The following EPC2 variants were observed in gnomAD, a reference collection of about 807,000 sequenced individuals.
EPC2 encodes enhancer of polycomb 2, also known as enhancer of polycomb homolog 2.
A neutral mutation model predicts 92.1 loss-of-function variants in EPC2; 14 were observed. The observed-to-expected ratio is 0.15, with a 90% CI of 0.10 to 0.24. The LOEUF is 0.24. EPC2 is among the 10% of genes least tolerant of loss of function. EPC2 has a pLI of 1.00. For missense variants in EPC2, 755 were observed against 971.5 expected (o/e 0.78, Z 2.96); for synonymous variants, 340 against 334.7 (o/e 1.02, Z -0.17).
At chr2:148,757,957 T>C (rs1459142350) in intron 4 of EPC2, among the ~76,000 whole-genome samples, 2 of 152,198 alleles carry the variant, frequency 1.3e-5, no homozygotes, top group African/African-American at 4.8e-5. Flanking sequence ...AGGGCTGGAA[T>C]ACAAAGATAA....
Position 148,645,134 on chromosome 2 carries a change from C to T in EPC2, c.117C>T (p.Pro39=), listed in dbSNP as rs762741809. Residue 39 remains proline, a synonymous_variant, in exon 1 of 14, where the codon CCC becomes CCT. Coordinates refer to ENST00000258484, the MANE Select transcript of EPC2 (RefSeq NM_015630.4). ...NDCVSINRAV[P]QMPTGMEKEE... is the part of the protein sequence containing the mutation. ...GCGTCTCCATCAACCGGGCCGTGCC[C>T]CAGATGCCCACCGGGATGGAGAAGG... 7 of 1,610,126 alleles carry T rather than the reference C, an allele frequency of 4.3e-6. No homozygotes were observed. Among genetic ancestry groups the T allele is most frequent in the South Asian group, 1.1e-5 (1 of 90,134 alleles).
At chr2:148,710,371 A>G (rs901341461) in intron 2 of EPC2, among the ~76,000 whole-genome samples, 1 of 152,228 alleles carries the variant, frequency 6.6e-6, no homozygotes, top group Admixed American at 6.5e-5. Context: ...GAGGATGTGG[A>G]GAAATAGGAA....
intron 2 of EPC2, among the ~76,000 whole-genome samples, chr2:148,722,582 T>C (rs977347041): frequency 6.6e-6 from 1 of 152,192 alleles, no homozygotes; most frequent in African/African-American, 2.4e-5. Context: ...GGTAGGAATG[T>C]AAATTAGTTC....
At position 148,645,930 on chromosome 2, in the gene EPC2, A is replaced by G. The variant is rs1220610329; in HGVS notation, c.153+760A>G. ...GTTGTCCTCGAGAATTGTCATTGCG[A>G]GGTGGTCCTTAGAAGTTGAGGACCT... On this transcript the variant is annotated intron_variant, in intron 1 of 13. Coordinates refer to ENST00000258484, the MANE Select transcript of EPC2 (RefSeq NM_015630.4). 3.3e-5 allele frequency among the ~76,000 whole-genome samples: 5 copies of G among 152,370 alleles called. No homozygotes were observed. In the East Asian group the frequency reaches 7.7e-4, roughly 23 times the overall value.
At chr2:148,749,194 A>T (rs1683041346) in intron 3 of EPC2, among the ~76,000 whole-genome samples, 1 of 152,122 alleles carries the variant, frequency 6.6e-6, no homozygotes, top group Non-Finnish European at 1.5e-5. Flanking sequence ...TGTAAGACTA[A>T]ATATTTGCTG....
intron 1 of EPC2, among the ~76,000 whole-genome samples, chr2:148,647,225 G>A (rs1052020720): frequency 6.6e-6 from 1 of 152,128 alleles, no homozygotes; most frequent in African/African-American, 2.4e-5. Flanking sequence ...ATATGTTTTG[G>A]TATTTTAATT....
chr2:148,714,561 C>G (rs981100442), intron 2 of EPC2, among the ~76,000 whole-genome samples: 1 of 152,176 alleles, frequency 6.6e-6, no homozygotes, highest in Non-Finnish European at 1.5e-5. Context: ...CCTCCACAAC[C>G]TTGCCAGCAT....
chr2:148,672,813 G>C (rs530048443), intron 1 of EPC2, among the ~76,000 whole-genome samples: 2 of 151,302 alleles, frequency 1.3e-5, no homozygotes, highest in East Asian at 3.9e-4. Flanking sequence ...GTGGTTTCTT[G>C]TTGTTGTCTA....
chr2:148,754,318 C>A (rs575641038), intron 4 of EPC2, among the ~76,000 whole-genome samples, 185 bp downstream of exon 4: 2 of 152,236 alleles, frequency 1.3e-5, no homozygotes, highest in South Asian at 4.1e-4. Flanking sequence ...ACTGGCCCAC[C>A]ACAAGAAATC....
At position 148,706,035 on chromosome 2, in the gene EPC2, G is replaced by A. The variant is rs141327081; in HGVS notation, c.313+15662G>A. Among the ~76,000 whole-genome samples, 347 of 152,168 alleles carry A rather than the reference G, an allele frequency of 2.3e-3. 2 individuals carry two copies. Among genetic ancestry groups the A allele is most frequent in the African/African-American group, 7.9e-3 (330 of 41,518 alleles). On this transcript the variant is annotated intron_variant, in intron 2 of 13. Coordinates refer to ENST00000258484, the MANE Select transcript of EPC2 (RefSeq NM_015630.4). ...TGACAGAAGTAGGCTTCAGAAAGTCGGTAATAACAAACTTCCTCAAGCTAA... is the reference window on the plus strand; with the variant it reads ...TGACAGAAGTAGGCTTCAGAAAGTCAGTAATAACAAACTTCCTCAAGCTAA...
intron 2 of EPC2, among the ~76,000 whole-genome samples, chr2:148,730,130 G>A (rs1313286590): frequency 2.0e-5 from 3 of 152,152 alleles, no homozygotes; most frequent in Non-Finnish European, 4.4e-5. Flanking sequence ...GGTAGAGGTG[G>A]GAGTTGTGCA....
At chr2:148,671,570 T>C (rs1681155604) in intron 1 of EPC2, among the ~76,000 whole-genome samples, 2 of 152,126 alleles carry the variant, frequency 1.3e-5, no homozygotes, top group Non-Finnish European at 2.9e-5. Flanking sequence ...GCTGAGATTG[T>C]GCCACTGCAT....
At chr2:148,676,842 T>G (rs1025426974) in intron 1 of EPC2, among the ~76,000 whole-genome samples, 4 of 143,824 alleles carry the variant, frequency 2.8e-5, no homozygotes, top group African/African-American at 5.2e-5. Flanking sequence ...TGATGACCAT[T>G]TTTATATAGC....
intron 2 of EPC2, among the ~76,000 whole-genome samples, chr2:148,733,254 A>G (rs1682681819): frequency 1.3e-5 from 2 of 151,706 alleles, no homozygotes; most frequent in Non-Finnish European, 2.9e-5. Context: ...TGAAAATTGT[A>G]CTTCCTTAGT....
At chr2:148,710,338 G>A (rs148722199) in intron 2 of EPC2, among the ~76,000 whole-genome samples, 2 of 152,170 alleles carry the variant, frequency 1.3e-5, no homozygotes, top group Non-Finnish European at 2.9e-5. Flanking sequence ...TCATTGAAAA[G>A]TCAGGAAACA....
chr2:148,698,694 C>CT (rs386355296), intron 2 of EPC2, among the ~76,000 whole-genome samples: 49,771 of 87,944 alleles, frequency 0.57, 15,494 homozygotes, highest in Non-Finnish European at 0.65. Flanking sequence ...AGAAAGTAAG[C>CT]TTTTTTTTTT....
chr2:148,727,280 G>C (rs1682518276), intron 2 of EPC2, among the ~76,000 whole-genome samples: 1 of 151,994 alleles, frequency 6.6e-6, no homozygotes, highest in Non-Finnish European at 1.5e-5. Flanking sequence ...CTGTTCCATT[G>C]GTCTGTATGT....
chr2:148,782,730 CT>C (rs1299746156), intron 11 of EPC2, among the ~76,000 whole-genome samples: 4 of 140,564 alleles, frequency 2.8e-5, no homozygotes, highest in Non-Finnish European at 6.1e-5. Context: ...TCATTGTGGA[CT>C]TCTGGCCTGC....
At chr2:148,763,211 A>G (rs780754570) in intron 6 of EPC2, among the ~76,000 whole-genome samples, 1 of 152,150 alleles carries the variant, frequency 6.6e-6, no homozygotes, top group Non-Finnish European at 1.5e-5. Context: ...CATTGAGACT[A>G]TTGAAAATTA....
Sources: gnomAD v4.1 joint callset for allele counts (sites outside exome capture counted in the v4.1 genomes callset) on GRCh38, gnomAD v4.1.1 for gene constraint, MANE v1.5 for transcripts, NCBI Gene and HGNC (gene_info 2026-07-23, HGNC 2026-07-21) for gene names.